PTPRT: variants seen among roughly 807,000 people sequenced by gnomAD.
PTPRT encodes protein tyrosine phosphatase receptor type T, also known as receptor-type tyrosine-protein phosphatase T.
A neutral mutation model predicts 176.8 loss-of-function variants in PTPRT; 56 were observed. That is an observed-to-expected ratio of 0.32 (90% CI 0.26 to 0.40). The LOEUF (loss-of-function observed/expected upper bound fraction) is 0.40, where lower values mean the gene tolerates loss of function less well. Among genes scored for constraint, PTPRT ranks in the 10% least tolerant of loss-of-function variants. The pLI is 1.00. For missense variants in PTPRT, 1,540 were observed against 1,908.2 expected (o/e 0.81, Z 3.60); for synonymous variants, 783 against 739.0 (o/e 1.06, Z -0.96).
rs554545069 is a variant in PTPRT at position 42,760,432 on chromosome 20, C to T, written c.685-3796G>A. ...TACACATGGGGCTGGGAACTGACCTCAGTAGCACACTGGCAATACCAGGTG... is the reference window on the plus strand; with the variant it reads ...TACACATGGGGCTGGGAACTGACCTTAGTAGCACACTGGCAATACCAGGTG... On this transcript the variant is annotated intron_variant, in intron 5 of 30. Transcript: ENST00000373187. 8.1e-4 allele frequency among the ~76,000 whole-genome samples: 110 copies of T among 136,644 alleles called. No individual in the cohort carries two copies. In the Middle Eastern group the frequency reaches 0.013, roughly 16 times the overall value. 89.6% of individuals were successfully genotyped at this position (136,644 alleles called of 152,430 possible).
intron 1 of PTPRT, among the ~76,000 whole-genome samples, chr20:43,108,734 T>C (rs1488732433): frequency 6.6e-6 from 1 of 152,070 alleles, no homozygotes; most frequent in East Asian, 1.9e-4. Flanking sequence ...AGGATGTATT[T>C]GAAGCCAATA....
At chr20:43,046,493 C>T (rs1420915432) in intron 1 of PTPRT, among the ~76,000 whole-genome samples, 4 of 150,632 alleles carry the variant, frequency 2.7e-5, no homozygotes, top group East Asian at 3.9e-4. Context: ...GGCGTGAACC[C>T]GGGAGGCGGA....
chr20:43,127,284 G>A (rs184518920), intron 1 of PTPRT, among the ~76,000 whole-genome samples: 6 of 151,850 alleles, frequency 4.0e-5, no homozygotes, highest in African/African-American at 7.3e-5. Context: ...TTAGCCGGGC[G>A]TGGTGGTGGG....
At chr20:42,155,831 A>G (rs1404549896) in intron 17 of PTPRT, among the ~76,000 whole-genome samples, 1 of 152,126 alleles carries the variant, frequency 6.6e-6, no homozygotes, top group Non-Finnish European at 1.5e-5. Flanking sequence ...CCAGCCGCCT[A>G]CCTGCCTCTG....
At chr20:42,556,693 T>C (rs1482442187) in intron 7 of PTPRT, among the ~76,000 whole-genome samples, 1 of 152,182 alleles carries the variant, frequency 6.6e-6, no homozygotes, top group East Asian at 1.9e-4. Flanking sequence ...GTGCATGGTA[T>C]GAGCCCTGTC....
At chr20:42,105,306 C>A (rs1986337018) in intron 24 of PTPRT, among the ~76,000 whole-genome samples, 1 of 152,172 alleles carries the variant, frequency 6.6e-6, no homozygotes, top group South Asian at 2.1e-4. Flanking sequence ...CATTCACCAG[C>A]CACTGTGTCT....
At chr20:42,803,350 A>G (rs950901954) in intron 2 of PTPRT, among the ~76,000 whole-genome samples, 1 of 152,210 alleles carries the variant, frequency 6.6e-6, no homozygotes, top group African/African-American at 2.4e-5. Flanking sequence ...GGATGCTGAC[A>G]CCCACTCAAG....
intron 7 of PTPRT, among the ~76,000 whole-genome samples, chr20:42,583,410 G>A (rs190925391): frequency 6.6e-6 from 1 of 152,290 alleles, no homozygotes; most frequent in Non-Finnish European, 1.5e-5. Flanking sequence ...GGAAAATTCT[G>A]TCTAAACAGC....
chr20:42,131,307 C>T (rs1243196317), intron 18 of PTPRT, among the ~76,000 whole-genome samples: 3 of 152,170 alleles, frequency 2.0e-5, no homozygotes, highest in East Asian at 3.8e-4. Flanking sequence ...ACCAGCAGTT[C>T]CAGAAGCTGT....
chr20:43,074,359 G>C (rs957319351), intron 1 of PTPRT, among the ~76,000 whole-genome samples: 1 of 152,056 alleles, frequency 6.6e-6, no homozygotes, highest in Non-Finnish European at 1.5e-5. Context: ...CTAATGTCTG[G>C]ATCTCCAACA....
At chr20:43,134,836 T>C (rs901950689) in intron 1 of PTPRT, among the ~76,000 whole-genome samples, 3 of 152,264 alleles carry the variant, frequency 2.0e-5, no homozygotes, top group Admixed American at 1.3e-4. Context: ...TTTGACATCC[T>C]GATCTGTTAG....
At chr20:42,050,490 C>G in the PTPRT span, among the ~76,000 whole-genome samples, 103 of 152,260 alleles carry the variant, frequency 6.8e-4, no homozygotes, top group Non-Finnish European at 1.2e-3. Flanking sequence ...CCGCTCTGTT[C>G]CAGTGAGTAC....
At chr20:42,783,961 G>A (rs1023540091) in intron 3 of PTPRT, among the ~76,000 whole-genome samples, 12 of 152,272 alleles carry the variant, frequency 7.9e-5, no homozygotes, top group African/African-American at 1.4e-4. Flanking sequence ...AGGGAGTGGA[G>A]CAGAGGGCCC....
chr20:42,944,913 T>C (rs1980782610), intron 1 of PTPRT, among the ~76,000 whole-genome samples: 1 of 152,086 alleles, frequency 6.6e-6, no homozygotes, highest in Non-Finnish European at 1.5e-5. Flanking sequence ...TTGTTCCCTG[T>C]GCCTGGTACA....
intron 2 of PTPRT, among the ~76,000 whole-genome samples, chr20:42,836,736 C>T (rs559366645): frequency 3.9e-5 from 6 of 152,300 alleles, no homozygotes; most frequent in Non-Finnish European, 7.4e-5. Flanking sequence ...ATCCATAAAA[C>T]TGGAACAACA....
chr20:42,656,173 A>G (rs2075122015), intron 7 of PTPRT, among the ~76,000 whole-genome samples: 1 of 152,148 alleles, frequency 6.6e-6, no homozygotes, highest in African/African-American at 2.4e-5. Flanking sequence ...GTTCTTAGGT[A>G]TGGAGGCATG....
intron 16 of PTPRT, among the ~76,000 whole-genome samples, chr20:42,162,885 G>C (rs932604949): frequency 1.3e-5 from 2 of 152,206 alleles, no homozygotes; most frequent in African/African-American, 4.8e-5. Context: ...AGCAGCATCG[G>C]CAAGCCTGTT....
chr20:42,838,070 AGGTT>A (rs1295997726), intron 2 of PTPRT, among the ~76,000 whole-genome samples: 4 of 152,284 alleles, frequency 2.6e-5, no homozygotes. Flanking sequence ...CTTGTTGAAC[AGGTT>A]GGAGTGCAGT....
intron 2 of PTPRT, among the ~76,000 whole-genome samples, chr20:42,848,082 G>A (rs183511315): frequency 3.7e-4 from 56 of 152,172 alleles, no homozygotes; most frequent in Non-Finnish European, 6.9e-4. Flanking sequence ...AATATATGAT[G>A]TTTGGTTTTC....
Sources: gnomAD v4.1 joint callset for allele counts (sites outside exome capture counted in the v4.1 genomes callset) on GRCh38, gnomAD v4.1.1 for gene constraint, MANE v1.5 for transcripts, NCBI Gene and HGNC (gene_info 2026-07-23, HGNC 2026-07-21) for gene names.